NTM: variants seen among roughly 807,000 people sequenced by gnomAD.
NTM encodes neurotrimin, also known as IgLON family member 2.
A neutral mutation model predicts 42.1 loss-of-function variants in NTM; 13 were observed. The ratio of observed to expected loss-of-function variants is 0.31; its 90% CI spans 0.20 to 0.49. NTM has a LOEUF of 0.49. NTM is among the 20% of genes least tolerant of loss of function. The probability of loss-of-function intolerance (pLI) is 0.99; values close to 1 mark genes in which losing one functional copy is unlikely to be tolerated. For missense variants in NTM, 373 were observed against 452.8 expected (o/e 0.82, Z 1.60); for synonymous variants, 187 against 179.2 (o/e 1.04, Z -0.35).
chr11:132,132,589 A>G (rs1025761807), intron 2 of NTM, among the ~76,000 whole-genome samples: 3 of 152,188 alleles, frequency 2.0e-5, no homozygotes, highest in African/African-American at 7.2e-5. Flanking sequence ...CGCACTCAGA[A>G]GGTTTGTAAA....
At chr11:131,815,312 G>T (rs528744627) in intron 1 of NTM, among the ~76,000 whole-genome samples, 3 of 152,192 alleles carry the variant, frequency 2.0e-5, no homozygotes, top group East Asian at 1.9e-4. Flanking sequence ...CACCGTGCCC[G>T]CCTCAGCTCT....
rs12284333 is a variant in NTM at position 131,511,044 on chromosome 11, G to T, written c.82+140156G>T. ...CCCTCTCGGGAACTCCAGTTCTTCAGGTTAAAAAAATGGATTTTGAAGAGA... is the reference window on the plus strand; with the variant it reads ...CCCTCTCGGGAACTCCAGTTCTTCATGTTAAAAAAATGGATTTTGAAGAGA... On this transcript the variant is annotated intron_variant, in intron 1 of 8. Transcript: ENST00000683400. Among the ~76,000 whole-genome samples the T allele has an allele frequency of 8.0e-3, 1,184 of 148,644 alleles. 6 individuals are homozygous for T. Among genetic ancestry groups the T allele is most frequent in the Non-Finnish European group, 0.014 (896 of 65,986 alleles).
chr11:131,973,195 A>G (rs2063807056), intron 2 of NTM, among the ~76,000 whole-genome samples: 1 of 152,184 alleles, frequency 6.6e-6, no homozygotes, highest in South Asian at 2.1e-4. Context: ...AAGTGGAAAA[A>G]ACACAGTCAG....
At chr11:131,585,177 C>CT (rs1023141030) in intron 1 of NTM, among the ~76,000 whole-genome samples, 1 of 152,196 alleles carries the variant, frequency 6.6e-6, no homozygotes, top group African/African-American at 2.4e-5. Context: ...GTGGCTGATT[C>CT]TTTTTTTGTG....
intron 1 of NTM, among the ~76,000 whole-genome samples, chr11:131,457,979 C>A (rs1045196704): frequency 6.6e-6 from 1 of 152,158 alleles, no homozygotes; most frequent in African/African-American, 2.4e-5. Context: ...GTGAGAAATG[C>A]ATTTCTGTTG....
At chr11:131,416,573 G>C (rs953039464) in intron 1 of NTM, among the ~76,000 whole-genome samples, 3 of 152,168 alleles carry the variant, frequency 2.0e-5, no homozygotes, top group Non-Finnish European at 4.4e-5. Flanking sequence ...AAAATCAGGT[G>C]CATGTGTATA....
Position 131,878,591 on chromosome 11 carries a change from AAAAATATATATATATATATATATAT to A in NTM, c.83-32971_83-32947del, listed in dbSNP as rs1428476872. Among the ~76,000 whole-genome samples the A allele has an allele frequency of 4.1e-3, 122 of 29,686 alleles. 16 individuals carry two copies. The highest frequency in any genetic ancestry group is 0.026 in the Admixed American group (67 of 2,542). The allele number at this position is 29,686 out of a possible 152,430, so 19.5% of individuals were successfully genotyped here. A position where few individuals can be genotyped will look rare whatever the true frequency, so the allele number is the denominator to read the frequency against. ...TCTCAAAAAAAAAAAAAAAAAAAAA[AAAAATATATATATATATATATATAT>A]ATATATATATATATATATATATATA... On this transcript the variant is annotated intron_variant, in intron 1 of 8. Coordinates refer to ENST00000683400, the MANE Select transcript of NTM (RefSeq NM_001352005.2).
chr11:132,124,393 G>A (rs1351947281), intron 2 of NTM, among the ~76,000 whole-genome samples: 4 of 152,160 alleles, frequency 2.6e-5, no homozygotes, highest in Non-Finnish European at 5.9e-5. Context: ...CCAGCACAGT[G>A]CCGCCCTGTT....
intron 1 of NTM, among the ~76,000 whole-genome samples, chr11:131,665,436 A>G (rs2068867324): frequency 6.6e-6 from 1 of 152,200 alleles, no homozygotes; most frequent in Admixed American, 6.5e-5. Flanking sequence ...TCAGAAGGTG[A>G]CTGTATTGGG....
chr11:132,130,464 T>G (rs1216629573), intron 2 of NTM, among the ~76,000 whole-genome samples: 1 of 152,204 alleles, frequency 6.6e-6, no homozygotes, highest in Non-Finnish European at 1.5e-5. Context: ...TTCATGCGTT[T>G]AAGTTCTAAT....
intron 1 of NTM, among the ~76,000 whole-genome samples, chr11:131,788,577 C>G (rs1379235331): frequency 6.6e-6 from 1 of 152,176 alleles, no homozygotes; most frequent in Non-Finnish European, 1.5e-5. Flanking sequence ...TGTTTTCTCT[C>G]TATTGTTTGA....
chr11:132,254,331 T>A (rs2092284688), intron 4 of NTM, among the ~76,000 whole-genome samples: 1 of 151,670 alleles, frequency 6.6e-6, no homozygotes, highest in Admixed American at 6.6e-5. Flanking sequence ...CTCCTATTAT[T>A]TCTGTGATTC....
intron 1 of NTM, among the ~76,000 whole-genome samples, chr11:131,675,290 A>G (rs1342755335): frequency 6.6e-6 from 1 of 152,212 alleles, no homozygotes; most frequent in East Asian, 1.9e-4. Flanking sequence ...CAAACCCAAT[A>G]TATCACGGGT....
chr11:131,626,469 T>C (rs1182207123), intron 1 of NTM, among the ~76,000 whole-genome samples: 3 of 152,204 alleles, frequency 2.0e-5, no homozygotes, highest in Non-Finnish European at 1.5e-5. Context: ...TTCACACTTA[T>C]AGGGAAGTTG....
intron 1 of NTM, among the ~76,000 whole-genome samples, chr11:131,604,194 ATC>A (rs1251971054): frequency 1.3e-5 from 2 of 152,018 alleles, no homozygotes; most frequent in Non-Finnish European, 2.9e-5. Flanking sequence ...CCTTGTTATG[ATC>A]TGTCTTTTTT....
chr11:131,613,228 GA>G (rs2061607382), intron 1 of NTM, among the ~76,000 whole-genome samples: 1 of 152,160 alleles, frequency 6.6e-6, no homozygotes, highest in Admixed American at 6.5e-5. Flanking sequence ...CCTCGCCCTG[GA>G]AGCTCATAGG....
chr11:131,507,440 T>C (rs986315946), intron 1 of NTM, among the ~76,000 whole-genome samples: 47 of 152,058 alleles, frequency 3.1e-4, no homozygotes, highest in Middle Eastern at 3.4e-3. Context: ...ACCAGTACCA[T>C]GCTGTTTTGG....
At chr11:131,686,642 T>C (rs975276574) in intron 1 of NTM, among the ~76,000 whole-genome samples, 7 of 152,156 alleles carry the variant, frequency 4.6e-5, no homozygotes, top group African/African-American at 1.7e-4. Context: ...CACGTATAAG[T>C]GGATCCGTGC....
At chr11:131,600,230 C>T (rs1050909819) in intron 1 of NTM, among the ~76,000 whole-genome samples, 6 of 152,124 alleles carry the variant, frequency 3.9e-5, no homozygotes, top group African/African-American at 1.2e-4. Context: ...AGAAGAGATT[C>T]ATAAAGTGTC....
Sources: gnomAD v4.1 joint callset for allele counts (sites outside exome capture counted in the v4.1 genomes callset) on GRCh38, gnomAD v4.1.1 for gene constraint, MANE v1.5 for transcripts, NCBI Gene and HGNC (gene_info 2026-07-23, HGNC 2026-07-21) for gene names.